Variants in FKTN observed in about 807,000 individuals in gnomAD.
FKTN encodes the protein fukutin.
FKTN carries 47 observed loss-of-function variants against 58.6 expected under a neutral mutation model. That is an observed-to-expected ratio of 0.80 (90% CI 0.63 to 1.02). FKTN has a LOEUF of 1.02. Ranked by LOEUF, FKTN falls within the 50% of genes least tolerant of loss-of-function variation. The probability of loss-of-function intolerance (pLI) is 0.00; values close to 1 mark genes in which losing one functional copy is unlikely to be tolerated. For missense variants in FKTN, 516 were observed against 537.3 expected, an observed-to-expected ratio of 0.96 and a Z score of 0.39; for synonymous variants, 178 against 191.9, an observed-to-expected ratio of 0.93 and a Z score of 0.60.
At chr9:105,609,989 C>T (rs1829613445) in intron 7 of FKTN, among the ~76,000 whole-genome samples, 1 of 152,082 alleles carries the variant, frequency 6.6e-6, no homozygotes, top group South Asian at 2.1e-4. Context: ...TAAATAAATT[C>T]ATGGTTTCCT....
chr9:105,630,286 C>T (rs1055081333), intron 10 of FKTN, among the ~76,000 whole-genome samples: 26 of 151,884 alleles, frequency 1.7e-4, no homozygotes, highest in Admixed American at 8.5e-4. Flanking sequence ...AAACAAAATG[C>T]GGTAGATAAC....
rs142936912 is a variant in FKTN, at chr9:105,584,868, C to G, written c.105+9731C>G. Among the ~76,000 whole-genome samples the G allele has an allele frequency of 7.0e-3, 1,059 of 151,854 alleles. 9 individuals are homozygous for G. Among genetic ancestry groups the G allele is most frequent in the African/African-American group, 0.024 (1,006 of 41,394 alleles). On this transcript the variant is annotated intron_variant, in intron 3 of 10. Coordinates refer to ENST00000357998, the MANE Select transcript of FKTN (RefSeq NM_001079802.2). ...GAAATTATATTAAACCGTTTGTAGC[C>G]CAGTAATTGTATCCTTTAAAATGGA...
intron 7 of FKTN, among the ~76,000 whole-genome samples, chr9:105,613,311 G>GT (rs1246469272): frequency 6.6e-6 from 1 of 152,160 alleles, no homozygotes; most frequent in Non-Finnish European, 1.5e-5. Context: ...GTCATTTATT[G>GT]TAAGAGCACT....
intron 3 of FKTN, among the ~76,000 whole-genome samples, chr9:105,579,377 G>C (rs575343936): frequency 1.3e-5 from 2 of 151,868 alleles, no homozygotes; most frequent in African/African-American, 2.4e-5. Flanking sequence ...CTTTGTTCTC[G>C]TTGGTTTCAA....
chr9:105,594,747 A>G (rs1826438502), intron 3 of FKTN, among the ~76,000 whole-genome samples: 1 of 152,186 alleles, frequency 6.6e-6, no homozygotes, highest in African/African-American at 2.4e-5. Flanking sequence ...TGTCTCATTA[A>G]TAATAGTAAT....
At chr9:105,593,612 G>A (rs879779395) in intron 3 of FKTN, among the ~76,000 whole-genome samples, 5 of 152,064 alleles carry the variant, frequency 3.3e-5, no homozygotes, top group African/African-American at 1.2e-4. Context: ...TTTTAAAGGG[G>A]GAGAAAGAAA....
chr9:105,610,676 T>A (rs1829756273), intron 7 of FKTN, among the ~76,000 whole-genome samples: 1 of 151,878 alleles, frequency 6.6e-6, no homozygotes, highest in African/African-American at 2.4e-5. Flanking sequence ...GCAGAGAGGC[T>A]TTCCTCACCC....
intron 3 of FKTN, among the ~76,000 whole-genome samples, chr9:105,581,981 A>C (rs984107386): frequency 6.6e-5 from 10 of 152,052 alleles, no homozygotes; most frequent in Non-Finnish European, 8.8e-5. Flanking sequence ...ACTCCCTGAC[A>C]CCTTGCGCTT....
Position 105,638,087 on chromosome 9 carries a change from C to T in FKTN, c.*2823C>T. 1.0e-6 allele frequency: 1 copy of T among 971,874 alleles called. No homozygotes were observed. The highest frequency in any genetic ancestry group is 1.2e-6 in the Non-Finnish European group (1 of 817,636). 60.2% of individuals were successfully genotyped at this position (971,874 alleles called of 1,614,324 possible). On this transcript the variant is annotated 3_prime_UTR_variant, in exon 11 of 11. Transcript: ENST00000357998. ...CATAATGTAATATTCTTTTTAAACC[C>T]TCTTATTTTATAACTAAATAAATAA... is the stretch of plus-strand genomic sequence containing the variant.
chr9:105,584,137 T>C (rs569232351), intron 3 of FKTN, among the ~76,000 whole-genome samples: 2 of 152,274 alleles, frequency 1.3e-5, no homozygotes, highest in South Asian at 4.1e-4. Flanking sequence ...ATCTACAAAA[T>C]GGGAGGCAAT....
chr9:105,609,803 T>C (rs1399573720), intron 7 of FKTN, among the ~76,000 whole-genome samples: 1 of 152,200 alleles, frequency 6.6e-6, no homozygotes, highest in Non-Finnish European at 1.5e-5. Context: ...ATCCCATTAC[T>C]GTTGATATTC....
At chr9:105,575,587 T>C (rs1841519805) in intron 3 of FKTN, among the ~76,000 whole-genome samples, 1 of 152,200 alleles carries the variant, frequency 6.6e-6, no homozygotes, top group African/African-American at 2.4e-5. Context: ...GAAGATTCCG[T>C]AGAATATACC....
intron 3 of FKTN, among the ~76,000 whole-genome samples, chr9:105,588,181 A>AT (rs1844239177): frequency 6.6e-6 from 1 of 152,146 alleles, no homozygotes; most frequent in Middle Eastern, 3.2e-3. Flanking sequence ...TTCACCTCCT[A>AT]CTTTCTGGAT....
chr9:105,616,439 G>A (rs1163131790), intron 8 of FKTN, among the ~76,000 whole-genome samples: 1 of 152,100 alleles, frequency 6.6e-6, no homozygotes, highest in African/African-American at 2.4e-5. Context: ...AGACATCACT[G>A]TTCATCTGAC....
At chr9:105,563,730 G>T (rs1448348833) in intron 1 of FKTN, among the ~76,000 whole-genome samples, 1 of 152,156 alleles carries the variant, frequency 6.6e-6, no homozygotes, top group South Asian at 2.1e-4. Flanking sequence ...CTGGGGGCAG[G>T]GCATAGCCAA....
intron 7 of FKTN, among the ~76,000 whole-genome samples, chr9:105,613,645 T>G (rs1397578060): frequency 6.6e-6 from 1 of 152,212 alleles, no homozygotes; most frequent in East Asian, 1.9e-4. Flanking sequence ...GATGTAGTAC[T>G]TGCCCTCAGG....
rs377683071 is a variant in FKTN, at chr9:105,635,460, G to C, written c.*196G>C. ...TTTTCATGTGCCACATACAATGCTA[G>C]GTTACAGTGGAGAAGCCTAGATGAA... On this transcript the variant is annotated 3_prime_UTR_variant, in exon 11 of 11. Transcript: ENST00000357998. The C allele has an allele frequency of 7.0e-7, 1 of 1,438,506 alleles. No individual in the cohort carries two copies. Among genetic ancestry groups the C allele is most frequent in the African/African-American group, 1.4e-5 (1 of 69,824 alleles). 89.1% of individuals were successfully genotyped at this position (1,438,506 alleles called of 1,614,324 possible).
chr9:105,619,912 A>G (rs764291359), intron 9 of FKTN, 22 bp from the exon 10 acceptor site: 6 of 1,603,120 alleles, frequency 3.7e-6, no homozygotes, highest in Non-Finnish European at 5.1e-6. Context: ...TCAGTGTGTG[A>G]AGGTTTTCAT....
Position 105,638,609 on chromosome 9 carries a change from A to G in FKTN, c.*3345A>G. ...TATGAGGCTCTTTCCTTCCTAAGGG[A>G]CCTTTCCCTGGTAGTAGTGGTCTCA... On this transcript the variant is annotated 3_prime_UTR_variant, in exon 11 of 11. Transcript: ENST00000357998. The G allele has an allele frequency of 1.0e-6, 1 of 985,174 alleles. No homozygotes were observed. 61.0% of individuals were successfully genotyped at this position (985,174 alleles called of 1,614,324 possible).
Sources: gnomAD v4.1 joint callset for allele counts (sites outside exome capture counted in the v4.1 genomes callset) on GRCh38, gnomAD v4.1.1 for gene constraint, MANE v1.5 for transcripts, NCBI Gene and HGNC (gene_info 2026-07-23, HGNC 2026-07-21) for gene names.